Variants in MARCHF3 observed in about 807,000 individuals in gnomAD.
MARCHF3 encodes membrane associated ring-CH-type finger 3.
A neutral mutation model predicts 24.2 loss-of-function variants in MARCHF3; 13 were observed. That is an observed-to-expected ratio of 0.54 (90% CI 0.35 to 0.85). MARCHF3 has a LOEUF of 0.85. MARCHF3 is among the 40% of genes least tolerant of loss of function. The pLI is 0.01. For synonymous variants in MARCHF3, 144 were observed against 137.3 expected, an observed-to-expected ratio of 1.05 and a Z score of -0.34; for missense variants, 276 against 325.0, an observed-to-expected ratio of 0.85 and a Z score of 1.16.
At chr5:126,953,422 T>C (rs1026044772) in intron 1 of MARCHF3, among the ~76,000 whole-genome samples, 1 of 152,182 alleles carries the variant, frequency 6.6e-6, no homozygotes, top group African/African-American at 2.4e-5. Context: ...TTGGGTTCCC[T>C]GTTTTCTTTG....
chr5:126,904,148 A>C (rs1293677859), intron 3 of MARCHF3, among the ~76,000 whole-genome samples: 6 of 148,996 alleles, frequency 4.0e-5, no homozygotes, highest in African/African-American at 1.3e-4. Flanking sequence ...TGAACTCATC[A>C]TTTTTTATGG....
intron 4 of MARCHF3, among the ~76,000 whole-genome samples, chr5:126,873,146 C>T (rs551056392): frequency 1.2e-3 from 184 of 152,160 alleles, no homozygotes; most frequent in African/African-American, 4.3e-3. Flanking sequence ...GAGTGCAGGC[C>T]GCAGGCTCCG....
intron 4 of MARCHF3, among the ~76,000 whole-genome samples, chr5:126,871,559 C>T (rs1412931525): frequency 6.6e-6 from 1 of 152,220 alleles, no homozygotes; most frequent in Non-Finnish European, 1.5e-5. Context: ...TGAGAGCAGG[C>T]GTTGTGTTGT....
At chr5:126,942,466 C>T (rs558668407) in intron 1 of MARCHF3, among the ~76,000 whole-genome samples, 1 of 151,828 alleles carries the variant, frequency 6.6e-6, no homozygotes, top group African/African-American at 2.4e-5. Context: ...AATGCAAAAA[C>T]CACTCTTCTA....
At chr5:127,007,688 G>A (rs935392418) in intron 1 of MARCHF3, among the ~76,000 whole-genome samples, 10 of 152,074 alleles carry the variant, frequency 6.6e-5, no homozygotes, top group African/African-American at 2.4e-4. Context: ...TTATGATAAA[G>A]TAGCAACTCC....
intron 1 of MARCHF3, among the ~76,000 whole-genome samples, chr5:126,941,111 G>T (rs1020014589): frequency 6.6e-6 from 1 of 152,162 alleles, no homozygotes. Flanking sequence ...GTTTTAGAAA[G>T]AAATAGGGCA....
At chr5:126,968,343 C>T (rs1031737872) in intron 1 of MARCHF3, among the ~76,000 whole-genome samples, 7 of 152,204 alleles carry the variant, frequency 4.6e-5, no homozygotes, top group Non-Finnish European at 1.0e-4. Flanking sequence ...CACCACTTTA[C>T]ATTTCCATCA....
chr5:126,944,197 T>C (rs1206320250), intron 1 of MARCHF3, among the ~76,000 whole-genome samples: 1 of 152,194 alleles, frequency 6.6e-6, no homozygotes, highest in Non-Finnish European at 1.5e-5. Context: ...TCACTAGGCA[T>C]TCCTTTCCCA....
At chr5:126,967,650 G>T (rs535910545) in intron 1 of MARCHF3, among the ~76,000 whole-genome samples, 7 of 152,290 alleles carry the variant, frequency 4.6e-5, no homozygotes, top group Admixed American at 2.0e-4. Context: ...CCGAGATCCT[G>T]CCATTGCACT....
At chr5:126,922,764 T>C (rs986633430) in intron 1 of MARCHF3, among the ~76,000 whole-genome samples, 6 of 152,122 alleles carry the variant, frequency 3.9e-5, no homozygotes, top group African/African-American at 1.4e-4. Context: ...GCCAGGATGG[T>C]CTCGATCTCC....
At chr5:126,929,759 A>G (rs1315900969) in intron 1 of MARCHF3, among the ~76,000 whole-genome samples, 1 of 152,144 alleles carries the variant, frequency 6.6e-6, no homozygotes, top group African/African-American at 2.4e-5. Flanking sequence ...CATAATTCCC[A>G]CGTATTGTGG....
intron 1 of MARCHF3, among the ~76,000 whole-genome samples, chr5:126,925,291 C>G (rs1749254429): frequency 6.6e-6 from 1 of 152,166 alleles, no homozygotes. Context: ...ATAATATGTT[C>G]CTAGTGTACT....
intron 1 of MARCHF3, among the ~76,000 whole-genome samples, chr5:126,924,630 A>T (rs1241359402): frequency 6.6e-6 from 1 of 152,240 alleles, no homozygotes; most frequent in Non-Finnish European, 1.5e-5. Flanking sequence ...AAGGTAGGAA[A>T]TCACAAAGTG....
At chr5:127,015,924 C>T (rs954032148) in intron 1 of MARCHF3, among the ~76,000 whole-genome samples, 30 of 152,144 alleles carry the variant, frequency 2.0e-4, no homozygotes, top group Non-Finnish European at 3.5e-4. Flanking sequence ...TTGTGCAGCA[C>T]GTCTATGCTG....
intron 1 of MARCHF3, among the ~76,000 whole-genome samples, chr5:127,021,927 A>T (rs1170560889): frequency 2.0e-5 from 3 of 152,194 alleles, no homozygotes; most frequent in African/African-American, 7.2e-5. Context: ...TCAACAAAAG[A>T]CACACCAGTC....
chr5:126,921,134 G>A (rs1447275192), intron 1 of MARCHF3, among the ~76,000 whole-genome samples: 2 of 151,934 alleles, frequency 1.3e-5, no homozygotes, highest in Non-Finnish European at 2.9e-5. Context: ...ATACCAGCAT[G>A]TCTTACGTAT....
At chr5:127,013,452 A>T (rs1020256675) in intron 1 of MARCHF3, among the ~76,000 whole-genome samples, 1 of 152,178 alleles carries the variant, frequency 6.6e-6, no homozygotes, top group African/African-American at 2.4e-5. Context: ...TTAAATAATA[A>T]TGATACATTG....
At chr5:127,020,250 G>T (rs1051796470) in intron 1 of MARCHF3, among the ~76,000 whole-genome samples, 3 of 152,330 alleles carry the variant, frequency 2.0e-5, no homozygotes, top group Admixed American at 2.0e-4. Flanking sequence ...TTTCAATAGA[G>T]ATCACATAGG....
intron 1 of MARCHF3, among the ~76,000 whole-genome samples, chr5:127,005,076 T>C (rs967704580): frequency 6.6e-6 from 1 of 151,996 alleles, no homozygotes; most frequent in Admixed American, 6.5e-5. Flanking sequence ...TCCGTCCTCA[T>C]GTTTGCATCC....
Sources: gnomAD v4.1 joint callset for allele counts (sites outside exome capture counted in the v4.1 genomes callset) on GRCh38, gnomAD v4.1.1 for gene constraint, MANE v1.5 for transcripts, NCBI Gene and HGNC (gene_info 2026-07-23, HGNC 2026-07-21) for gene names.